NLRC5: variants seen among roughly 807,000 people sequenced by gnomAD.
The protein encoded by NLRC5 is protein NLRC5.
In NLRC5, 114 loss-of-function variants were observed where a neutral mutation model predicts 206.9. The observed-to-expected ratio is 0.55, with a 90% confidence interval of 0.47 to 0.64. The LOEUF is 0.64. NLRC5 is among the 30% of genes least tolerant of loss of function. NLRC5 has a pLI of 0.00. For synonymous variants in NLRC5, 952 were observed against 962.8 expected (o/e 0.99, Z 0.21); for missense variants, 2,008 against 2,305.5 (o/e 0.87, Z 2.64).
chr16:57,021,145 T>C (rs2060627073), intron 3 of NLRC5, 138 bp downstream of exon 3: 1 of 749,334 alleles, frequency 1.3e-6, no homozygotes, highest in African/African-American at 1.8e-5. Context: ...TTCTGGACAC[T>C]TCCCAGAACA....
At chr16:57,054,492 G>A (rs2065339145) in intron 24 of NLRC5, among the ~76,000 whole-genome samples, 1 of 152,178 alleles carries the variant, frequency 6.6e-6, no homozygotes. Context: ...TACATGACGA[G>A]TCTTGATTTC....
At chr16:57,011,083 A>G (rs1252899173) in intron 1 of NLRC5, among the ~76,000 whole-genome samples, 1 of 152,136 alleles carries the variant, frequency 6.6e-6, no homozygotes, top group African/African-American at 2.4e-5. Flanking sequence ...AAATACACAC[A>G]CATTTAAAAT....
chr16:57,019,984 G>A (rs16965077), intron 2 of NLRC5, among the ~76,000 whole-genome samples: 11,956 of 152,130 alleles, frequency 0.079, 783 homozygotes, highest in African/African-American at 0.17. Flanking sequence ...GAGAGCCAGG[G>A]TGCAGGCACA....
At chr16:57,021,053 C>A in intron 3 of NLRC5, 46 bp downstream of exon 3, 4 of 1,580,936 alleles carry the variant, frequency 2.5e-6, no homozygotes, top group Non-Finnish European at 3.5e-6. Context: ...CCAGTACCTG[C>A]GTCATGGGGA....
chr16:56,991,539 A>C (rs559045579), intron 1 of NLRC5, among the ~76,000 whole-genome samples: 1 of 151,132 alleles, frequency 6.6e-6, no homozygotes, highest in Non-Finnish European at 1.5e-5. Flanking sequence ...CCGCCGCTAC[A>C]CCCAGCTAAT....
chr16:57,065,197 C>G lies in NLRC5; in HGVS notation c.4155-15C>G, dbSNP rs756554426. The G allele has an allele frequency of 1.1e-5, 16 of 1,502,952 alleles. No homozygotes were observed. The highest frequency in any genetic ancestry group is 2.8e-5 in the African/African-American group (2 of 70,910). The allele number at this position is 1,502,952 out of a possible 1,614,324, so 93.1% of individuals were successfully genotyped here. On this transcript the variant is annotated splice_polypyrimidine_tract_variant and intron_variant, in intron 32 of 48. Transcript: ENST00000688547. ...CACCTTGGGGGGGCCTTATCTGTGT[C>G]CCCTTCTGTGACAGGGTGCAGGAGC... is the stretch of plus-strand genomic sequence containing the variant.
intron 48 of NLRC5, among the ~76,000 whole-genome samples, chr16:57,082,035 A>C (rs1470797544): frequency 6.6e-6 from 1 of 152,254 alleles, no homozygotes; most frequent in Non-Finnish European, 1.5e-5. Context: ...GGCACCATTC[A>C]CATTGTCAAC....
rs965072079 is a variant in NLRC5, at chr16:57,002,507, G to T, written c.-128+12890G>T. 2.6e-5 allele frequency among the ~76,000 whole-genome samples: 4 copies of T among 152,104 alleles called. No individual in the cohort carries two copies. In the East Asian group the frequency reaches 5.8e-4, roughly 22 times the overall value. On this transcript the variant is annotated intron_variant, in intron 1 of 48. Transcript: ENST00000688547. ...ACACTTAGATTAATTCCAAATCTTG[G>T]CTATTGTAAACAGTGCTGTCATAAA...
chr16:57,050,912 G>A (rs1307955589), intron 23 of NLRC5, among the ~76,000 whole-genome samples: 1 of 152,100 alleles, frequency 6.6e-6, no homozygotes, highest in African/African-American at 2.4e-5. Context: ...GAGTGCAGTG[G>A]TACGATCTTG....
chr16:57,062,035 C>T (rs1248316900), intron 32 of NLRC5: 1 of 1,382,084 alleles, frequency 7.2e-7, no homozygotes, highest in South Asian at 1.3e-5. Context: ...CATTTTAAAA[C>T]ACTCAGAAAA....
chr16:57,031,754 T>C (rs138446125), intron 11 of NLRC5, among the ~76,000 whole-genome samples: 1,584 of 146,504 alleles, frequency 0.011, 31 homozygotes, highest in African/African-American at 0.038. Flanking sequence ...CATTACTAGA[T>C]GGTGAAAACT....
Position 57,055,462 on chromosome 16 carries a change from A to G in NLRC5, c.3689A>G (p.Glu1230Gly). 6.2e-7 allele frequency: 1 copy of G among 1,613,968 alleles called. No homozygotes were observed. Among genetic ancestry groups the G allele is most frequent in the Non-Finnish European group, 8.5e-7 (1 of 1,179,946 alleles). Residue 1230 changes from glutamate (E) to glycine (G), a missense_variant, in exon 27 of 49, where the codon GAG becomes GGG. By Grantham distance (98) the Glu-to-Gly change is moderately conservative. Coordinates refer to ENST00000688547, the MANE Select transcript of NLRC5 (RefSeq NM_001384950.1). ...GRFTGCSLSQEHVESLCWLLS... is the reference protein window; with the variant it reads ...GRFTGCSLSQGHVESLCWLLS... Reference sequence around the variant, plus strand: ...TTCACAGGCTGCAGCCTCAGCCAGGAGCACGTAGAGTCACTCTGCTGGTTG... The same window carrying G: ...TTCACAGGCTGCAGCCTCAGCCAGGGGCACGTAGAGTCACTCTGCTGGTTG...
rs115083157 is a variant in NLRC5, at chr16:57,011,444, A to G, written c.-127-5630A>G. ...AAAAAAAAAAATTGAATTTAGACTC[A>G]GGTGCAGAGGCTCACGCCTGTAATC... On this transcript the variant is annotated intron_variant, in intron 1 of 48. Coordinates refer to ENST00000688547, the MANE Select transcript of NLRC5 (RefSeq NM_001384950.1). 4.9e-3 allele frequency among the ~76,000 whole-genome samples: 750 copies of G among 151,984 alleles called. 6 individuals are homozygous for G. The highest frequency in any genetic ancestry group is 0.013 in the African/African-American group (549 of 41,446).
intron 9 of NLRC5, 23 bp downstream of exon 9, chr16:57,029,879 C>T: frequency 6.2e-7 from 1 of 1,612,444 alleles, no homozygotes; most frequent in Non-Finnish European, 8.5e-7. Flanking sequence ...TCCACTGCCT[C>T]TGCAGCCCAG....
intron 38 of NLRC5, among the ~76,000 whole-genome samples, chr16:57,070,853 G>C (rs531421798): frequency 7.3e-6 from 1 of 136,600 alleles, no homozygotes; most frequent in Non-Finnish European, 1.5e-5. Flanking sequence ...GGTTAATGGG[G>C]AAGGGTGTGA....
intron 23 of NLRC5, among the ~76,000 whole-genome samples, chr16:57,048,883 G>A (rs2064395941): frequency 6.6e-6 from 1 of 152,092 alleles, no homozygotes; most frequent in Non-Finnish European, 1.5e-5. Context: ...AATGGTCAGT[G>A]GTCCCTGATT....
chr16:57,068,992 G>A (rs1284886746), intron 36 of NLRC5, among the ~76,000 whole-genome samples: 1 of 152,224 alleles, frequency 6.6e-6, no homozygotes, highest in African/African-American at 2.4e-5. Flanking sequence ...GTGATGCTGT[G>A]TTATCGTGCC....
At chr16:56,994,932 T>C (rs2057417810) in intron 1 of NLRC5, among the ~76,000 whole-genome samples, 1 of 152,184 alleles carries the variant, frequency 6.6e-6, no homozygotes, top group South Asian at 2.1e-4. Flanking sequence ...TCCAGCACTT[T>C]GGGAGGCTGA....
At position 57,081,619 on chromosome 16, in the gene NLRC5, G is replaced by A; in HGVS notation, c.5489+9G>A. On this transcript the variant is annotated intron_variant, in intron 48 of 48. Coordinates refer to ENST00000688547, the MANE Select transcript of NLRC5 (RefSeq NM_001384950.1). The stretch of plus-strand genomic sequence containing the variant: ...AGCATCCAAGTCATCCGGTAACAGA[G>A]GCCTGCAGGGGCAGGGATGGTGGGT... The A allele has an allele frequency of 6.2e-7, 1 of 1,612,322 alleles. No homozygotes were observed. Among genetic ancestry groups the A allele is most frequent in the Non-Finnish European group, 8.5e-7 (1 of 1,178,496 alleles).
Sources: allele counts gnomAD v4.1 joint callset (sites outside exome capture counted in the v4.1 genomes callset), GRCh38; gene constraint gnomAD v4.1.1; transcripts MANE v1.5; gene names NCBI Gene and HGNC (gene_info 2026-07-23, HGNC 2026-07-21).